The following HIP1 variants were observed in gnomAD, a reference collection of about 807,000 sequenced individuals.
HIP1 encodes huntingtin-interacting protein 1.
HIP1 carries 65 observed loss-of-function variants against 147.6 expected under a neutral mutation model. That is an observed-to-expected ratio of 0.44 (90% CI 0.36 to 0.54). The LOEUF (loss-of-function observed/expected upper bound fraction) is 0.54, where lower values mean the gene tolerates loss of function less well. Ranked by LOEUF, HIP1 falls within the 20% of genes least tolerant of loss-of-function variation. HIP1 has a pLI of 0.00. For synonymous variants in HIP1, 479 were observed against 504.0 expected (o/e 0.95, Z 0.67); for missense variants, 1,061 against 1,299.6 (o/e 0.82, Z 2.82).
intron 1 of HIP1, among the ~76,000 whole-genome samples, chr7:75,734,475 A>G (rs1554523416): frequency 6.6e-6 from 1 of 152,040 alleles, no homozygotes; most frequent in Non-Finnish European, 1.5e-5. Context: ...AATTATTAAT[A>G]TATCCTGTGG....
intron 1 of HIP1, among the ~76,000 whole-genome samples, chr7:75,725,516 G>C (rs80255291): frequency 0.013 from 1,953 of 152,128 alleles, 41 homozygotes; most frequent in African/African-American, 0.044. Context: ...ACTTTTACTG[G>C]TCTTTTATGA....
intron 22 of HIP1, among the ~76,000 whole-genome samples, chr7:75,550,173 T>A (rs1794729828): frequency 1.3e-5 from 2 of 152,172 alleles, no homozygotes; most frequent in Non-Finnish European, 1.5e-5. Context: ...AGCCTATGAT[T>A]TTTAAAACAT....
chr7:75,659,564 G>A (rs113145803), intron 1 of HIP1, among the ~76,000 whole-genome samples: 3,127 of 152,034 alleles, frequency 0.021, 55 homozygotes, highest in Middle Eastern at 0.099. Flanking sequence ...CAGGAGAATC[G>A]CTTGAGCCTG....
At chr7:75,635,338 G>A (rs1798386240) in intron 1 of HIP1, among the ~76,000 whole-genome samples, 1 of 152,092 alleles carries the variant, frequency 6.6e-6, no homozygotes, top group South Asian at 2.1e-4. Flanking sequence ...GCTCAGCTCT[G>A]CAGGCCAATC....
intron 1 of HIP1, among the ~76,000 whole-genome samples, chr7:75,703,187 A>C (rs1554519334): frequency 1.3e-5 from 2 of 152,060 alleles, no homozygotes; most frequent in African/African-American, 4.8e-5. Context: ...ATCTCTACTA[A>C]AAATAGAAAA....
intron 1 of HIP1, among the ~76,000 whole-genome samples, chr7:75,667,404 A>G (rs1479815076): frequency 1.3e-5 from 2 of 152,214 alleles, no homozygotes; most frequent in Non-Finnish European, 2.9e-5. Context: ...CTTGTTTCAC[A>G]AGGCTGTTGT....
chr7:75,591,713 C>A (rs1354585550), intron 4 of HIP1, among the ~76,000 whole-genome samples: 1 of 145,214 alleles, frequency 6.9e-6, no homozygotes, highest in African/African-American at 2.6e-5. Flanking sequence ...AGCAAGACCC[C>A]GTCTCTACCA....
At chr7:75,634,260 TA>T (rs34295314) in intron 1 of HIP1, among the ~76,000 whole-genome samples, 75 of 143,864 alleles carry the variant, frequency 5.2e-4, no homozygotes, top group South Asian at 1.5e-3. Context: ...ACCTTGTCTC[TA>T]AAAAAAAAAA....
intron 30 of HIP1, among the ~76,000 whole-genome samples, chr7:75,538,790 G>A (rs1794187639): frequency 2.6e-5 from 4 of 151,992 alleles, no homozygotes; most frequent in Admixed American, 2.0e-4. Flanking sequence ...TAGCCAGGAT[G>A]GTCTCGATCT....
At chr7:75,559,632 G>A (rs1182440592) in intron 14 of HIP1, 100 bp downstream of exon 14, 2 of 959,072 alleles carry the variant, frequency 2.1e-6, no homozygotes, top group Non-Finnish European at 3.0e-6. Flanking sequence ...GACAGTCTGG[G>A]TCTCCCCCAC....
chr7:75,552,056 A>AT (rs1178981422), intron 22 of HIP1, among the ~76,000 whole-genome samples: 2 of 151,756 alleles, frequency 1.3e-5, no homozygotes, highest in Non-Finnish European at 2.9e-5. Context: ...CGCCTGGCTA[A>AT]TTTTTTGTAC....
chr7:75,636,155 A>G (rs1202828466), intron 1 of HIP1, among the ~76,000 whole-genome samples: 1 of 151,918 alleles, frequency 6.6e-6, no homozygotes, highest in Non-Finnish European at 1.5e-5. Context: ...CAGCCTGGCC[A>G]ACATGGTGAA....
intron 11 of HIP1, 42 bp from the exon 12 acceptor site, chr7:75,562,212 A>G (rs1554494706): frequency 2.2e-6 from 3 of 1,350,710 alleles, no homozygotes; most frequent in Non-Finnish European, 3.2e-6. Context: ...TCAGAGAGCC[A>G]GAGAATTCTG....
chr7:75,692,666 G>A lies in HIP1; in HGVS notation c.120+46135C>T, dbSNP rs959094309. 3.1e-4 allele frequency among the ~76,000 whole-genome samples: 47 copies of A among 150,818 alleles called. No homozygotes were observed. In the Admixed American group the frequency reaches 3.1e-3, roughly 10 times the overall value. ...GCTGGTCTCAAACTTCTGGCATGAT[G>A]TGATCTGCCCGCCTTGGCCTCCCGA... On this transcript the variant is annotated intron_variant, in intron 1 of 30. Transcript: ENST00000336926.
chr7:75,706,487 T>C (rs139164393), intron 1 of HIP1, among the ~76,000 whole-genome samples: 1 of 148,146 alleles, frequency 6.8e-6, no homozygotes, highest in African/African-American at 2.5e-5. Flanking sequence ...TTTTTTATTT[T>C]TTTTTTATTT....
At chr7:75,690,593 T>A (rs992395536) in intron 1 of HIP1, among the ~76,000 whole-genome samples, 1 of 152,146 alleles carries the variant, frequency 6.6e-6, no homozygotes, top group African/African-American at 2.4e-5. Context: ...CCGGGCGTGG[T>A]GGCTCATGCC....
intron 1 of HIP1, among the ~76,000 whole-genome samples, chr7:75,638,279 C>T (rs1395951784): frequency 5.3e-5 from 8 of 151,982 alleles, no homozygotes; most frequent in African/African-American, 1.9e-4. Context: ...GAACCCCCCT[C>T]CCATCAGAAT....
In HIP1 at chr7:75,566,189, C is replaced by T. The variant is rs188365131; in HGVS notation, c.803+2010G>A. Among the ~76,000 whole-genome samples, 457 of 150,916 alleles carry T rather than the reference C, an allele frequency of 3.0e-3. 6 individuals carry two copies. The highest frequency in any genetic ancestry group is 2.4e-3 in the Non-Finnish European group (162 of 67,952). ...GATTACAGGTGTGCACCACCATGCC[C>T]TGCTAATTTTTTAGTAGAGACGGGG... On this transcript the variant is annotated intron_variant, in intron 9 of 30. Transcript: ENST00000336926.
chr7:75,562,995 G>A lies in HIP1; in HGVS notation c.960C>T (p.Ser320=), dbSNP rs1554494869. The A allele has an allele frequency of 3.7e-6, 6 of 1,614,198 alleles. No homozygotes were observed. The highest frequency in any genetic ancestry group is 1.7e-5 in the Admixed American group (1 of 60,026). The change falls in exon 11 of 31, where the codon TCC becomes TCT. Residue 320 remains serine, a synonymous_variant. Coordinates refer to ENST00000336926, the MANE Select transcript of HIP1 (RefSeq NM_005338.7). Reference sequence around the variant, plus strand: ...TCTCTAGGACTGGCTCGCTGTCGGGGGATGAGGCCTCTGCAGGGATCACCA... The same window carrying A: ...TCTCTAGGACTGGCTCGCTGTCGGGAGATGAGGCCTCTGCAGGGATCACCA... ...PVVVIPAEAS[S]PDSEPVLEKD... is the part of the protein sequence containing the mutation.
Sources: allele counts gnomAD v4.1 joint callset (sites outside exome capture counted in the v4.1 genomes callset), GRCh38; gene constraint gnomAD v4.1.1; transcripts MANE v1.5; gene names NCBI Gene and HGNC (gene_info 2026-07-23, HGNC 2026-07-21).